PLEKHG7: variants seen among roughly 807,000 people sequenced by gnomAD.
PLEKHG7 encodes pleckstrin homology and RhoGEF domain containing G7.
Under a neutral mutation model 85.2 loss-of-function variants are expected in PLEKHG7, and 77 were observed. That is an observed-to-expected ratio of 0.90 (90% CI 0.75 to 1.09). The LOEUF is 1.09. PLEKHG7 is among the 50% of genes least tolerant of loss of function. The pLI is 0.00. For synonymous variants in PLEKHG7, 301 were observed against 302.4 expected, an observed-to-expected ratio of 1.00 and a Z score of 0.05; for missense variants, 777 against 804.3, an observed-to-expected ratio of 0.97 and a Z score of 0.41.
In PLEKHG7 at chr12:92,755,845, A is replaced by G; in HGVS notation, c.1447A>G (p.Lys483Glu). 1 of 1,613,030 alleles carries G rather than the reference A, an allele frequency of 6.2e-7. No individual in the cohort carries two copies. The highest frequency in any genetic ancestry group is 8.5e-7 in the Non-Finnish European group (1 of 1,179,196). ...TTCAGGGGACCTTGAAGGAAAAGTGAAGTGGCTGGACAATTTCCAAAAATT... is the reference window on the plus strand; with the variant it reads ...TTCAGGGGACCTTGAAGGAAAAGTGGAGTGGCTGGACAATTTCCAAAAATT... ...KSIRDLEGKV[K>E]WLDNFQKFRY... The change falls in exon 12 of 17, where the codon AAG becomes GAG. Residue 483 changes from lysine to glutamate, a missense_variant. Lys to Glu is a moderately conservative substitution (Grantham distance 56). This residue lies in a region of PLEKHG7 where 520 missense variants were observed against 544.0 expected (regional missense o/e 0.96). Coordinates refer to ENST00000344636, the MANE Select transcript of PLEKHG7 (RefSeq NM_001377329.1).
intron 3 of PLEKHG7, among the ~76,000 whole-genome samples, chr12:92,725,184 A>G (rs1871759340): frequency 2.0e-5 from 3 of 152,116 alleles, no homozygotes; most frequent in Non-Finnish European, 4.4e-5. Flanking sequence ...CACCTAGGGG[A>G]TAAAACATTC....
At position 92,770,369 on chromosome 12, in the gene PLEKHG7, T is replaced by G. The variant is rs1873373472; in HGVS notation, c.*174T>G. 1 of 537,406 alleles carries G rather than the reference T, an allele frequency of 1.9e-6. No homozygotes were observed. The highest frequency in any genetic ancestry group is 3.2e-6 in the Non-Finnish European group (1 of 307,756). 33.3% of individuals were successfully genotyped at this position (537,406 alleles called of 1,614,324 possible). ...ATCCTCAGTATAGAGGAATAATGAC[T>G]GCAACAAATTTGAACTCTGAGGAAT... On this transcript the variant is annotated 3_prime_UTR_variant, in exon 17 of 17. Coordinates refer to ENST00000344636, the MANE Select transcript of PLEKHG7 (RefSeq NM_001377329.1).
At chr12:92,733,630 G>A (rs1872055673) in intron 5 of PLEKHG7, among the ~76,000 whole-genome samples, 1 of 152,168 alleles carries the variant, frequency 6.6e-6, no homozygotes. Flanking sequence ...CAGAGGCAGA[G>A]CTGGTCACCA....
chr12:92,742,502 C>T (rs1356558766), intron 9 of PLEKHG7, among the ~76,000 whole-genome samples: 1 of 151,214 alleles, frequency 6.6e-6, no homozygotes, highest in Non-Finnish European at 1.5e-5. Flanking sequence ...AGAGTTTTAA[C>T]AAGGCAAAAA....
At chr12:92,759,592 G>T (rs180940971) in intron 13 of PLEKHG7, among the ~76,000 whole-genome samples, 200 of 152,340 alleles carry the variant, frequency 1.3e-3, no homozygotes, top group African/African-American at 4.7e-3. Context: ...GCCTTGATCT[G>T]ATAGGATTAG....
intron 3 of PLEKHG7, among the ~76,000 whole-genome samples, chr12:92,714,934 A>G (rs983339480): frequency 1.3e-5 from 2 of 152,158 alleles, no homozygotes; most frequent in Admixed American, 6.5e-5. Context: ...AAAGAACTCC[A>G]TCCTTAATAC....
intron 1 of PLEKHG7, among the ~76,000 whole-genome samples, chr12:92,705,402 T>C (rs981700166): frequency 6.6e-6 from 1 of 152,272 alleles, no homozygotes; most frequent in Admixed American, 6.5e-5. Flanking sequence ...CTAAAAAGTA[T>C]TGCCCATGCA....
At chr12:92,736,002 C>G (rs573291154) in intron 5 of PLEKHG7, among the ~76,000 whole-genome samples, 1 of 152,064 alleles carries the variant, frequency 6.6e-6, no homozygotes, top group Admixed American at 6.6e-5. Flanking sequence ...TTCTGGTATT[C>G]TGTAGCAGAG....
intron 3 of PLEKHG7, chr12:92,708,216 T>A (rs1312194918): frequency 1.3e-5 from 2 of 152,272 alleles, no homozygotes; most frequent in African/African-American, 4.8e-5. Context: ...GGATGAAGAG[T>A]TTCTGCAGCA....
rs149205825 is a variant in PLEKHG7 at position 92,745,477 on chromosome 12, G to A, written c.1138-1G>A. ...CTCCTTCTGCTCTTCCTTTCTTGCAGTATTTCCGAGGGAGTCTCTGTCAGA... is the reference window on the plus strand; with the variant it reads ...CTCCTTCTGCTCTTCCTTTCTTGCAATATTTCCGAGGGAGTCTCTGTCAGA... On this transcript the variant is annotated splice_acceptor_variant, in intron 9 of 16. Transcript: ENST00000344636. LOFTEE classifies it high-confidence loss of function. The A allele has an allele frequency of 1.9e-4, 310 of 1,603,348 alleles. No homozygotes were observed. The highest frequency in any genetic ancestry group is 2.3e-4 in the Non-Finnish European group (275 of 1,170,494).
At chr12:92,746,857 C>T (rs1414931583) in intron 10 of PLEKHG7, among the ~76,000 whole-genome samples, 3 of 152,162 alleles carry the variant, frequency 2.0e-5, no homozygotes, top group African/African-American at 7.2e-5. Flanking sequence ...ACCCCTATCT[C>T]TCACCATATG....
chr12:92,769,207 GGGA>G, intron 16 of PLEKHG7, 127 bp downstream of exon 16: 1 of 639,818 alleles, frequency 1.6e-6, no homozygotes, highest in Non-Finnish European at 2.7e-6. Flanking sequence ...GGGCAGATTT[GGGA>G]GGAGGGGAGG....
At chr12:92,729,143 T>C in intron 4 of PLEKHG7, 23 bp downstream of exon 4, 1 of 1,231,544 alleles carries the variant, frequency 8.1e-7, no homozygotes, top group Non-Finnish European at 1.0e-6. Context: ...CAGTATACTT[T>C]CATTCCATGC....
At position 92,761,623 on chromosome 12, in the gene PLEKHG7, G is replaced by GAAGA. The variant is rs10601568; in HGVS notation, c.1637-69_1637-66dup. ...AAAGAAAGAAAAAGAAAGAAAGAAAGAAGAAAGAAAGAAAGAAAGAAAGAA... is the reference window on the plus strand; with the variant it reads ...AAAGAAAGAAAAAGAAAGAAAGAAAGAAGAAAGAAAGAAAGAAAGAAAGAAAGAA... On this transcript the variant is annotated intron_variant, in intron 13 of 16. Transcript: ENST00000344636. 3.3e-3 allele frequency: 2,399 copies of GAAGA among 718,764 alleles called. 13 individuals carry two copies. The highest frequency in any genetic ancestry group is 0.018 in the East Asian group (367 of 20,096). 44.5% of individuals were successfully genotyped at this position (718,764 alleles called of 1,614,324 possible). A position where few individuals can be genotyped will look rare whatever the true frequency, so the allele number is the denominator to read the frequency against.
Position 92,727,927 on chromosome 12 carries a change from G to GGTGTGTGTGT in PLEKHG7, c.531-1039_531-1030dup, listed in dbSNP as rs540230230. ...TTTTTATGGCTGCATGGTATTCTAT[G>GGTGTGTGTGT]GTGTGTGTGTGTGTGTGTGTGTGTG... On this transcript the variant is annotated intron_variant, in intron 3 of 16. Transcript: ENST00000344636. 7.1e-3 allele frequency among the ~76,000 whole-genome samples: 602 copies of GGTGTGTGTGT among 84,980 alleles called. 39 individuals are homozygous for GGTGTGTGTGT. Among genetic ancestry groups the GGTGTGTGTGT allele is most frequent in the East Asian group, 0.03 (42 of 1,378 alleles). 55.8% of individuals were successfully genotyped at this position (84,980 alleles called of 152,430 possible). A position where few individuals can be genotyped will look rare whatever the true frequency, so the allele number is the denominator to read the frequency against.
chr12:92,732,390 G>A lies in PLEKHG7; in HGVS notation c.699+117G>A, dbSNP rs12320783. 6.2e-4 allele frequency: 352 copies of A among 571,636 alleles called. 2 individuals are homozygous for A. The African/African-American group carries it at 6.2e-3, about 10-fold the overall frequency. The allele number at this position is 571,636 out of a possible 1,614,324, so 35.4% of individuals were successfully genotyped here. A position where few individuals can be genotyped will look rare whatever the true frequency, so the allele number is the denominator to read the frequency against. ...ATCTTTGTATAAAGGCAGATGGCAC[G>A]TGAAATATAAATGATATCATCACAT... On this transcript the variant is annotated intron_variant, in intron 5 of 16. Coordinates refer to ENST00000344636, the MANE Select transcript of PLEKHG7 (RefSeq NM_001377329.1).
intron 3 of PLEKHG7, among the ~76,000 whole-genome samples, chr12:92,715,483 A>G (rs1415055886): frequency 2.6e-5 from 4 of 152,090 alleles, no homozygotes; most frequent in Non-Finnish European, 5.9e-5. Flanking sequence ...CAAGAACTGA[A>G]AACAAAAACA....
At chr12:92,744,758 T>G (rs951096409) in intron 9 of PLEKHG7, among the ~76,000 whole-genome samples, 1 of 151,742 alleles carries the variant, frequency 6.6e-6, no homozygotes, top group Admixed American at 6.6e-5. Flanking sequence ...TTCCACCTCC[T>G]GGGTTCAAGC....
At chr12:92,720,995 C>T (rs143501025) in intron 3 of PLEKHG7, among the ~76,000 whole-genome samples, 22 of 152,270 alleles carry the variant, frequency 1.4e-4, no homozygotes, top group African/African-American at 5.3e-4. Flanking sequence ...TACAACATTG[C>T]GACCTTAGGT....
Sources: gnomAD v4.1 joint callset for allele counts (sites outside exome capture counted in the v4.1 genomes callset) on GRCh38, gnomAD v4.1.1 for gene constraint, gnomAD v4.1.1 regional missense constraint, MANE v1.5 for transcripts, NCBI Gene and HGNC (gene_info 2026-07-23, HGNC 2026-07-21) for gene names.